ASTN2: variants seen among roughly 807,000 people sequenced by gnomAD.
ASTN2 encodes the protein astrotactin 2.
A neutral mutation model predicts 139.8 loss-of-function variants in ASTN2; 54 were observed. That is an observed-to-expected ratio of 0.39 (90% CI 0.31 to 0.48). ASTN2 has a LOEUF of 0.48. Ranked by LOEUF, ASTN2 falls within the 20% of genes least tolerant of loss-of-function variation. ASTN2 has a pLI of 0.95. For synonymous variants in ASTN2, 756 were observed against 719.5 expected, an observed-to-expected ratio of 1.05 and a Z score of -0.81; for missense variants, 1,565 against 1,725.1, an observed-to-expected ratio of 0.91 and a Z score of 1.64.
intron 2 of ASTN2, among the ~76,000 whole-genome samples, chr9:117,261,946 A>G (rs1330783103): frequency 6.6e-6 from 1 of 152,242 alleles, no homozygotes; most frequent in Non-Finnish European, 1.5e-5. Context: ...ATTAAGAAGC[A>G]TCTTTAAAAC....
chr9:116,886,384 C>G (rs1451501803), intron 10 of ASTN2, among the ~76,000 whole-genome samples: 3 of 152,156 alleles, frequency 2.0e-5, no homozygotes, highest in African/African-American at 7.2e-5. Context: ...TCTTTCTTTT[C>G]TTTTTCTTGA....
chr9:116,445,150 A>C (rs1847948754), intron 20 of ASTN2, among the ~76,000 whole-genome samples: 1 of 152,184 alleles, frequency 6.6e-6, no homozygotes, highest in African/African-American at 2.4e-5. Flanking sequence ...GGCACACAGT[A>C]GGCACTTGAC....
At chr9:117,151,020 A>T (rs1353053144) in intron 3 of ASTN2, among the ~76,000 whole-genome samples, 2 of 151,986 alleles carry the variant, frequency 1.3e-5, no homozygotes, top group Non-Finnish European at 2.9e-5. Flanking sequence ...GTACATTTTT[A>T]TTGTGCCAAG....
At chr9:116,530,366 T>G (rs971908925) in intron 19 of ASTN2, among the ~76,000 whole-genome samples, 1 of 151,438 alleles carries the variant, frequency 6.6e-6, no homozygotes, top group Non-Finnish European at 1.5e-5. Context: ...GAAATGTTGG[T>G]CAAAGGACAC....
intron 5 of ASTN2, among the ~76,000 whole-genome samples, chr9:117,077,196 G>A (rs1252588269): frequency 6.6e-6 from 1 of 152,166 alleles, no homozygotes; most frequent in East Asian, 1.9e-4. Flanking sequence ...CTGCCATCAG[G>A]TGGAGAAACA....
intron 6 of ASTN2, among the ~76,000 whole-genome samples, chr9:117,038,317 T>A (rs114078851): frequency 0.021 from 3,209 of 152,204 alleles, 114 homozygotes; most frequent in African/African-American, 0.064. Flanking sequence ...AAATGCAAAA[T>A]TTTTTTAAAG....
intron 20 of ASTN2, among the ~76,000 whole-genome samples, chr9:116,472,758 A>G: frequency 6.9e-6 from 1 of 144,712 alleles, no homozygotes; most frequent in African/African-American, 2.5e-5. Context: ...ACAAAAAAAA[A>G]AAAAATAGCC....
intron 7 of ASTN2, among the ~76,000 whole-genome samples, chr9:116,992,645 C>T (rs1466106969): frequency 6.6e-6 from 1 of 152,104 alleles, no homozygotes; most frequent in Non-Finnish European, 1.5e-5. Context: ...TCCTTTCACC[C>T]TGAGTTGGTG....
At chr9:116,799,803 G>A (rs1830796839) in intron 13 of ASTN2, among the ~76,000 whole-genome samples, 1 of 151,856 alleles carries the variant, frequency 6.6e-6, no homozygotes, top group Admixed American at 6.6e-5. Flanking sequence ...TTCCCACACT[G>A]ATCAAGAGCA....
At chr9:116,559,972 C>T (rs55962567) in intron 19 of ASTN2, among the ~76,000 whole-genome samples, 24,161 of 152,200 alleles carry the variant, frequency 0.16, 2,085 homozygotes, top group African/African-American at 0.21. Context: ...AAAGAAACAA[C>T]TGTACAAAGC....
intron 13 of ASTN2, among the ~76,000 whole-genome samples, chr9:116,754,055 C>T (rs1271912919): frequency 6.8e-6 from 1 of 147,126 alleles, no homozygotes; most frequent in South Asian, 2.3e-4. Context: ...AGTGAGAACA[C>T]GCGGTGTTTG....
chr9:117,209,097 C>G (rs1415170773), intron 3 of ASTN2, among the ~76,000 whole-genome samples: 1 of 152,100 alleles, frequency 6.6e-6, no homozygotes, highest in Admixed American at 6.5e-5. Context: ...CTTATCACTA[C>G]AGAAAACCAC....
At chr9:116,924,449 AAAG>A (rs1247317405) in intron 10 of ASTN2, among the ~76,000 whole-genome samples, 3 of 150,354 alleles carry the variant, frequency 2.0e-5, no homozygotes. Flanking sequence ...AAAAAAAAAA[AAAG>A]AATGGCTACT....
At chr9:117,204,535 T>A (rs1298643844) in intron 3 of ASTN2, among the ~76,000 whole-genome samples, 3 of 152,218 alleles carry the variant, frequency 2.0e-5, no homozygotes, top group Non-Finnish European at 4.4e-5. Context: ...AAAGAGAAAC[T>A]GATTATTTTT....
At chr9:117,313,952 T>C (rs1828055393) in intron 1 of ASTN2, among the ~76,000 whole-genome samples, 3 of 152,184 alleles carry the variant, frequency 2.0e-5, no homozygotes, top group Non-Finnish European at 4.4e-5. Flanking sequence ...TCCTAAACTC[T>C]CCTTCCCACT....
At position 117,045,257 on chromosome 9, in the gene ASTN2, C is replaced by CAA. The variant is rs56993648; in HGVS notation, c.1277-5294_1277-5293dup. ...AGAATAAGATATCCCATGTAATTAG[C>CAA]AAAAAAAAAAAAAAAAAGAGCTAAA... On this transcript the variant is annotated intron_variant, in intron 5 of 22. Transcript: ENST00000313400. Among the ~76,000 whole-genome samples, 239 of 131,634 alleles carry CAA rather than the reference C, an allele frequency of 1.8e-3. 1 individual carries two copies. Among genetic ancestry groups the CAA allele is most frequent in the African/African-American group, 6.7e-3 (229 of 34,418 alleles). The allele number at this position is 131,634 out of a possible 152,430, so 86.4% of individuals were successfully genotyped here. A position where few individuals can be genotyped will look rare whatever the true frequency, so the allele number is the denominator to read the frequency against.
chr9:116,673,203 A>G (rs1197203052), intron 16 of ASTN2, among the ~76,000 whole-genome samples: 1 of 152,140 alleles, frequency 6.6e-6, no homozygotes, highest in Non-Finnish European at 1.5e-5. Flanking sequence ...CACACTGTGG[A>G]GTGTTCTTTC....
intron 19 of ASTN2, among the ~76,000 whole-genome samples, chr9:116,548,794 A>C (rs1259382258): frequency 1.3e-5 from 2 of 152,254 alleles, no homozygotes; most frequent in Non-Finnish European, 2.9e-5. Flanking sequence ...TTTAAAAATG[A>C]ACACCTGTGC....
chr9:117,285,898 C>T (rs1834437813), intron 2 of ASTN2, among the ~76,000 whole-genome samples: 1 of 152,148 alleles, frequency 6.6e-6, no homozygotes, highest in Non-Finnish European at 1.5e-5. Context: ...TTCTTTTCTT[C>T]TCCTACATCA....
Sources: gnomAD v4.1 joint callset for allele counts (sites outside exome capture counted in the v4.1 genomes callset) on GRCh38, gnomAD v4.1.1 for gene constraint, MANE v1.5 for transcripts, NCBI Gene and HGNC (gene_info 2026-07-23, HGNC 2026-07-21) for gene names.